Variants in SLFN5 observed in about 807,000 individuals in gnomAD.
SLFN5 encodes the protein schlafen family member 5.
A neutral mutation model predicts 48.5 loss-of-function variants in SLFN5; 34 were observed. The observed-to-expected ratio is 0.70, with a 90% CI of 0.53 to 0.93. SLFN5 has a LOEUF of 0.93. Among genes scored for constraint, SLFN5 ranks in the 40% least tolerant of loss-of-function variants. The pLI is 0.00. For missense variants in SLFN5, 1,006 were observed against 1,071.3 expected (o/e 0.94, Z 0.85); for synonymous variants, 387 against 396.2 (o/e 0.98, Z 0.28).
intron 1 of SLFN5, among the ~76,000 whole-genome samples, chr17:35,243,525 G>T (rs1360675740): frequency 6.6e-6 from 1 of 152,238 alleles, no homozygotes; most frequent in East Asian, 1.9e-4. Context: ...AAGTTAAATG[G>T]GTTGTGGCCT....
At chr17:35,247,799 A>G (rs780778182) in intron 1 of SLFN5, among the ~76,000 whole-genome samples, 1 of 152,260 alleles carries the variant, frequency 6.6e-6, no homozygotes, top group Non-Finnish European at 1.5e-5. Flanking sequence ...AGCTTGCTTC[A>G]CAGTCCAGTG....
chr17:35,247,378 C>T (rs763591503), intron 1 of SLFN5, among the ~76,000 whole-genome samples: 2 of 152,152 alleles, frequency 1.3e-5, no homozygotes, highest in Non-Finnish European at 2.9e-5. Context: ...AATAAACAGC[C>T]TCTGCTTGTT....
intron 1 of SLFN5, among the ~76,000 whole-genome samples, chr17:35,254,793 G>A (rs2142693689): frequency 6.6e-6 from 1 of 152,316 alleles, no homozygotes; most frequent in Admixed American, 6.5e-5. Flanking sequence ...GAAGCGGGTG[G>A]ATCACCTGAG....
chr17:35,264,755 A>T lies in SLFN5; in HGVS notation c.1711A>T (p.Thr571Ser). Reference sequence around the variant, plus strand: ...GTTGCTTTCAAAGAACCTTCGCAAGACCAGAGAGTTGTTTGTTCATGGCTT... The same window carrying T: ...GTTGCTTTCAAAGAACCTTCGCAAGTCCAGAGAGTTGTTTGTTCATGGCTT... ...YELLSKNLRK[T>S]RELFVHGLPG... Residue 571 changes from threonine (T) to serine (S), a missense_variant, in exon 4 of 5, where the codon ACC becomes TCC. Thr to Ser is a moderately conservative substitution (Grantham distance 58, BLOSUM62 1). Coordinates refer to ENST00000299977, the MANE Select transcript of SLFN5 (RefSeq NM_144975.4). 6.3e-7 allele frequency: 1 copy of T among 1,599,302 alleles called. No homozygotes were observed. Among genetic ancestry groups the T allele is most frequent in the Non-Finnish European group, 8.5e-7 (1 of 1,174,430 alleles).
chr17:35,246,400 C>T (rs573802866), intron 1 of SLFN5, among the ~76,000 whole-genome samples: 63 of 152,280 alleles, frequency 4.1e-4, no homozygotes, highest in Middle Eastern at 6.8e-3. Context: ...ATCATCCCAT[C>T]ACCTAGGTAT....
chr17:35,262,359 G>A (rs1473325279), intron 3 of SLFN5, among the ~76,000 whole-genome samples: 5 of 141,996 alleles, frequency 3.5e-5, no homozygotes, highest in African/African-American at 7.9e-5. Flanking sequence ...CAGCCTGGGC[G>A]ACAGAGGGAG....
In SLFN5 at chr17:35,272,257, G is replaced by C. The variant is rs2142712917; in HGVS notation, c.*6369G>C. On this transcript the variant is annotated 3_prime_UTR_variant, in exon 5 of 5. Transcript: ENST00000299977. Reference sequence around the variant, plus strand: ...AAATGTATTAACAGCATATGTTAAAGTTAAGTTATGTTAACTTTATATGTT... The same window carrying C: ...AAATGTATTAACAGCATATGTTAAACTTAAGTTATGTTAACTTTATATGTT... 6.6e-6 allele frequency: 1 copy of C among 152,236 alleles called. No individual in the cohort carries two copies. Among genetic ancestry groups the C allele is most frequent in the South Asian group, 2.1e-4 (1 of 4,820 alleles). The allele number at this position is 152,236 out of a possible 1,614,324, so 9.4% of individuals were successfully genotyped here.
At position 35,269,582 on chromosome 17, in the gene SLFN5, G is replaced by C. The variant is rs1463449359; in HGVS notation, c.*3694G>C. Reference sequence around the variant, plus strand: ...CAAATAGGCCTTAGAAGGGAGAGGTGCCTGGGCAGTTACAAGGACCTAGGT... The same window carrying C: ...CAAATAGGCCTTAGAAGGGAGAGGTCCCTGGGCAGTTACAAGGACCTAGGT... On this transcript the variant is annotated 3_prime_UTR_variant, in exon 5 of 5. Coordinates refer to ENST00000299977, the MANE Select transcript of SLFN5 (RefSeq NM_144975.4). The C allele has an allele frequency of 1.3e-5, 2 of 152,176 alleles. No individual in the cohort carries two copies. The highest frequency in any genetic ancestry group is 2.9e-5 in the Non-Finnish European group (2 of 68,044). 9.4% of individuals were successfully genotyped at this position (152,176 alleles called of 1,614,324 possible).
intron 3 of SLFN5, among the ~76,000 whole-genome samples, chr17:35,261,689 T>C (rs1219880633): frequency 3.3e-5 from 5 of 151,040 alleles, no homozygotes; most frequent in Non-Finnish European, 7.4e-5. Context: ...TTTTTTTTTT[T>C]TTTGAGATGA....
chr17:35,262,243 G>T (rs1335672040), intron 3 of SLFN5, among the ~76,000 whole-genome samples: 1 of 151,796 alleles, frequency 6.6e-6, no homozygotes, highest in Non-Finnish European at 1.5e-5. Context: ...AGCTGGGTGT[G>T]GTGGCATGCG....
rs771146684 is a variant in SLFN5, at chr17:35,268,679, T to C, written c.*2791T>C. The C allele has an allele frequency of 1.3e-5, 2 of 152,354 alleles. No individual in the cohort carries two copies. Among genetic ancestry groups the C allele is most frequent in the African/African-American group, 4.8e-5 (2 of 41,456 alleles). The allele number at this position is 152,354 out of a possible 1,614,324, so 9.4% of individuals were successfully genotyped here. Reference sequence around the variant, plus strand: ...TTACAGTGAGCCAAGATCAGGCCATTGTACTTCAGCCTGGGCGACAAAGTG... The same window carrying C: ...TTACAGTGAGCCAAGATCAGGCCATCGTACTTCAGCCTGGGCGACAAAGTG... On this transcript the variant is annotated 3_prime_UTR_variant, in exon 5 of 5. Transcript: ENST00000299977.
At position 35,272,115 on chromosome 17, in the gene SLFN5, T is replaced by C. The variant is rs1239745517; in HGVS notation, c.*6227T>C. Reference sequence around the variant, plus strand: ...AAGAAGAAACCTGAGTGAGTCAGCATGACCAAATATTAAAACATCTTATAA... The same window carrying C: ...AAGAAGAAACCTGAGTGAGTCAGCACGACCAAATATTAAAACATCTTATAA... On this transcript the variant is annotated 3_prime_UTR_variant, in exon 5 of 5. Transcript: ENST00000299977. 1.3e-5 allele frequency: 2 copies of C among 152,130 alleles called. 1 individual carries two copies. The highest frequency in any genetic ancestry group is 4.1e-4 in the South Asian group (2 of 4,836). 9.4% of individuals were successfully genotyped at this position (152,130 alleles called of 1,614,324 possible). A position where few individuals can be genotyped will look rare whatever the true frequency, so the allele number is the denominator to read the frequency against.
At chr17:35,250,836 A>C (rs1184960349) in intron 1 of SLFN5, among the ~76,000 whole-genome samples, 1 of 152,200 alleles carries the variant, frequency 6.6e-6, no homozygotes, top group Non-Finnish European at 1.5e-5. Flanking sequence ...TTTAAGGCTA[A>C]ATTACAATTT....
In SLFN5 at chr17:35,271,511, T is replaced by C. The variant is rs1904830810; in HGVS notation, c.*5623T>C. ...TAATTCCAACAAAAAGATAAAATAA[T>C]TAAGAATAACTGCAACAAGAAAATA... On this transcript the variant is annotated 3_prime_UTR_variant, in exon 5 of 5. Coordinates refer to ENST00000299977, the MANE Select transcript of SLFN5 (RefSeq NM_144975.4). The C allele has an allele frequency of 6.6e-6, 1 of 152,010 alleles. No homozygotes were observed. Among genetic ancestry groups the C allele is most frequent in the Admixed American group, 6.6e-5 (1 of 15,248 alleles). 9.4% of individuals were successfully genotyped at this position (152,010 alleles called of 1,614,324 possible). A position where few individuals can be genotyped will look rare whatever the true frequency, so the allele number is the denominator to read the frequency against.
In SLFN5 at chr17:35,266,173, T is replaced by TGCGC. The variant is rs1281312888; in HGVS notation, c.*286_*287insCGCG. The TGCGC allele has an allele frequency of 5.6e-5, 14 of 250,544 alleles. No homozygotes were observed. Among genetic ancestry groups the TGCGC allele is most frequent in the African/African-American group, 1.8e-4 (7 of 38,102 alleles). The allele number at this position is 250,544 out of a possible 1,614,324, so 15.5% of individuals were successfully genotyped here. ...GTGTGTGTGTGTGTGTGTGTGTGTGTGTGTGCGCGCGCGCACGTGCACATG... is the reference window on the plus strand; with the variant it reads ...GTGTGTGTGTGTGTGTGTGTGTGTGTGCGCGTGTGCGCGCGCGCACGTGCACATG... On this transcript the variant is annotated 3_prime_UTR_variant, in exon 5 of 5. Transcript: ENST00000299977.
chr17:35,259,535 A>C lies in SLFN5; in HGVS notation c.845A>C (p.Glu282Ala). ...ATAAAATATGTCCTTAACTTCCTTG[A>C]AGTGCATGATAAGGGGGCCCTCCGT... ...PEIKYVLNFL[E>A]VHDKGALRGY... The change falls in exon 2 of 5, where the codon GAA becomes GCA. Residue 282 changes from glutamate to alanine, a missense_variant. Coordinates refer to ENST00000299977, the MANE Select transcript of SLFN5 (RefSeq NM_144975.4). 6.2e-7 allele frequency: 1 copy of C among 1,614,142 alleles called. No individual in the cohort carries two copies. The highest frequency in any genetic ancestry group is 8.5e-7 in the Non-Finnish European group (1 of 1,180,038).
At chr17:35,259,844 T>A in intron 2 of SLFN5, 142 bp downstream of exon 2, 1 of 963,682 alleles carries the variant, frequency 1.0e-6, no homozygotes, top group South Asian at 1.7e-5. Flanking sequence ...GACTTATTAA[T>A]CCCTGTAGAT....
chr17:35,246,920 G>A (rs2092432195), intron 1 of SLFN5, among the ~76,000 whole-genome samples: 1 of 151,818 alleles, frequency 6.6e-6, no homozygotes, highest in South Asian at 2.1e-4. Flanking sequence ...CCTAACCCAA[G>A]GCAAAAATAT....
rs558136054 is a variant in SLFN5 at position 35,268,356 on chromosome 17, A to G, written c.*2468A>G. On this transcript the variant is annotated 3_prime_UTR_variant, in exon 5 of 5. Transcript: ENST00000299977. ...AAAGACAATGGGGAAAAATGTAGAA[A>G]AGAAATATGACATGAGCCAGATGAA... 6.6e-6 allele frequency: 1 copy of G among 152,348 alleles called. No homozygotes were observed. Among genetic ancestry groups the G allele is most frequent in the South Asian group, 2.1e-4 (1 of 4,828 alleles). 9.4% of individuals were successfully genotyped at this position (152,348 alleles called of 1,614,324 possible).
Sources: allele counts gnomAD v4.1 joint callset (sites outside exome capture counted in the v4.1 genomes callset), GRCh38; gene constraint gnomAD v4.1.1; transcripts MANE v1.5; gene names NCBI Gene and HGNC (gene_info 2026-07-23, HGNC 2026-07-21).